CLSTN2: variants seen among roughly 807,000 people sequenced by gnomAD.
The protein encoded by CLSTN2 is calsyntenin-2.
Under a neutral mutation model 101.2 loss-of-function variants are expected in CLSTN2, and 48 were observed. The observed-to-expected ratio is 0.47, with a 90% confidence interval of 0.38 to 0.60. CLSTN2 has a LOEUF of 0.60. Ranked by LOEUF, CLSTN2 falls within the 20% of genes least tolerant of loss-of-function variation. The probability of loss-of-function intolerance (pLI) is 0.00; values close to 1 mark genes in which losing one functional copy is unlikely to be tolerated. For missense variants in CLSTN2, 1,160 were observed against 1,238.2 expected (o/e 0.94, Z 0.95); for synonymous variants, 481 against 463.6 (o/e 1.04, Z -0.48).
chr3:140,241,878 T>TACACAC (rs1187220904), intron 2 of CLSTN2, among the ~76,000 whole-genome samples: 1 of 138,480 alleles, frequency 7.2e-6, no homozygotes, highest in Non-Finnish European at 1.5e-5. Context: ...CACATATATA[T>TACACAC]ATACACACAC....
intron 1 of CLSTN2, among the ~76,000 whole-genome samples, chr3:140,103,759 T>A (rs1008916422): frequency 2.6e-5 from 4 of 152,234 alleles, no homozygotes; most frequent in African/African-American, 9.6e-5. Flanking sequence ...TCACAGCCAA[T>A]GCAACAGGCA....
intron 2 of CLSTN2, among the ~76,000 whole-genome samples, chr3:140,354,613 A>G (rs551404598): frequency 3.9e-5 from 6 of 152,172 alleles, no homozygotes; most frequent in African/African-American, 1.4e-4. Flanking sequence ...CCATTTCCAA[A>G]TAGTGCCACC....
At chr3:140,031,261 G>C (rs1481863765) in intron 1 of CLSTN2, among the ~76,000 whole-genome samples, 2 of 152,194 alleles carry the variant, frequency 1.3e-5, no homozygotes, top group African/African-American at 4.8e-5. Context: ...CTTGGACTAT[G>C]AAGAGCATTG....
chr3:140,067,537 G>A (rs1162556565), intron 1 of CLSTN2, among the ~76,000 whole-genome samples: 5 of 152,184 alleles, frequency 3.3e-5, no homozygotes, highest in Non-Finnish European at 1.5e-5. Flanking sequence ...ATTCAAGTGG[G>A]CATTATGCCC....
intron 8 of CLSTN2, among the ~76,000 whole-genome samples, chr3:140,492,225 T>C (rs2107757976): frequency 6.6e-6 from 1 of 152,330 alleles, no homozygotes; most frequent in Middle Eastern, 3.4e-3. Flanking sequence ...GTATATTGCT[T>C]GTGGGAGTAT....
chr3:140,250,679 A>C lies in CLSTN2; in HGVS notation c.232+74606A>C, dbSNP rs573888449. ...GGAGAGTCAAGCTGCATTCAGCTGC[A>C]ATTGGATGAGCCTTCGCCAGGGATA... On this transcript the variant is annotated intron_variant, in intron 2 of 16. Transcript: ENST00000458420. Among the ~76,000 whole-genome samples the C allele has an allele frequency of 2.0e-5, 3 of 152,304 alleles. No individual in the cohort carries two copies. In the East Asian group the frequency reaches 5.8e-4, roughly 29 times the overall value.
chr3:140,244,411 C>G lies in CLSTN2; in HGVS notation c.232+68338C>G, dbSNP rs553410502. Among the ~76,000 whole-genome samples, 4 of 152,228 alleles carry G rather than the reference C, an allele frequency of 2.6e-5. No individual in the cohort carries two copies. The South Asian group carries it at 8.3e-4, about 32-fold the overall frequency. ...TACAACCGTCAGGAAATGCTGTGCC[C>G]CTTTCTCTCCTCCACTCTACATCCA... On this transcript the variant is annotated intron_variant, in intron 2 of 16. Transcript: ENST00000458420.
chr3:140,145,889 T>C (rs1289050043), intron 1 of CLSTN2, among the ~76,000 whole-genome samples: 1 of 152,252 alleles, frequency 6.6e-6, no homozygotes, highest in Non-Finnish European at 1.5e-5. Context: ...TTGTGTCTGA[T>C]GAAAATCATT....
intron 2 of CLSTN2, among the ~76,000 whole-genome samples, chr3:140,364,290 C>A (rs1001099176): frequency 3.9e-5 from 6 of 152,118 alleles, no homozygotes; most frequent in Non-Finnish European, 7.4e-5. Flanking sequence ...CTTCTCCTTG[C>A]CCTTAATGCC....
chr3:140,119,825 A>G (rs17341522), intron 1 of CLSTN2, among the ~76,000 whole-genome samples: 5,039 of 152,278 alleles, frequency 0.033, 129 homozygotes, highest in Non-Finnish European at 0.051. Flanking sequence ...TTATTGTCTT[A>G]GAACACTGAT....
intron 10 of CLSTN2, among the ~76,000 whole-genome samples, chr3:140,553,462 C>T (rs1239335251): frequency 6.6e-6 from 1 of 152,144 alleles, no homozygotes; most frequent in Non-Finnish European, 1.5e-5. Flanking sequence ...TATTACAGTC[C>T]ACAAAGCCCA....
At position 140,487,561 on chromosome 3, in the gene CLSTN2, A is replaced by G. The variant is rs567867412; in HGVS notation, c.1344+20830A>G. On this transcript the variant is annotated intron_variant, in intron 8 of 16. Transcript: ENST00000458420. Reference sequence around the variant, plus strand: ...AGAGAACAGTGCTAGAACTATTCCTATGCTAGACCCCATGGCTCCACATGC... The same window carrying G: ...AGAGAACAGTGCTAGAACTATTCCTGTGCTAGACCCCATGGCTCCACATGC... Among the ~76,000 whole-genome samples, 5 of 152,366 alleles carry G rather than the reference A, an allele frequency of 3.3e-5. No homozygotes were observed. The South Asian group carries it at 1.0e-3, about 32-fold the overall frequency.
rs567525086 is a variant in CLSTN2, at chr3:140,037,544, CT to C, written c.109+102072del. On this transcript the variant is annotated intron_variant, in intron 1 of 16. Transcript: ENST00000458420. ...TCTTTCTTTTTTCTTATGCATTCGT[CT>C]TTTTTTTTTTCATTCAACTTTTATT... 5.3e-4 allele frequency among the ~76,000 whole-genome samples: 76 copies of C among 142,770 alleles called. 1 individual carries two copies. Among genetic ancestry groups the C allele is most frequent in the Admixed American group, 5.6e-4 (8 of 14,232 alleles). 93.7% of individuals were successfully genotyped at this position (142,770 alleles called of 152,430 possible). A position where few individuals can be genotyped will look rare whatever the true frequency, so the allele number is the denominator to read the frequency against.
chr3:140,132,783 T>C (rs767156270), intron 1 of CLSTN2, among the ~76,000 whole-genome samples: 97 of 152,228 alleles, frequency 6.4e-4, no homozygotes, highest in Middle Eastern at 3.2e-3. Flanking sequence ...AGCTAGTGAA[T>C]AATCACTTCC....
At chr3:140,140,380 A>G (rs1336237821) in intron 1 of CLSTN2, among the ~76,000 whole-genome samples, 2 of 152,142 alleles carry the variant, frequency 1.3e-5, no homozygotes, top group Non-Finnish European at 2.9e-5. Flanking sequence ...AGGCAAAGGA[A>G]GAGCAGGTGG....
chr3:140,485,074 C>T (rs536398420), intron 8 of CLSTN2, among the ~76,000 whole-genome samples: 1 of 152,260 alleles, frequency 6.6e-6, no homozygotes, highest in African/African-American at 2.4e-5. Flanking sequence ...CTCTGTTTTT[C>T]CCCCATCTTT....
Position 140,176,012 on chromosome 3 carries a change from C to T in CLSTN2, c.171C>T (p.Asp57=). 1.2e-6 allele frequency: 2 copies of T among 1,613,678 alleles called. No individual in the cohort carries two copies. Among genetic ancestry groups the T allele is most frequent in the Non-Finnish European group, 1.7e-6 (2 of 1,179,734 alleles). The change falls in exon 2 of 17, where the codon GAC becomes GAT. Residue 57 remains aspartate, a synonymous_variant. Coordinates refer to ENST00000458420, the MANE Select transcript of CLSTN2 (RefSeq NM_022131.3). ...ATGGAGTCATAACTGAGAACAATGA[C>T]ACAGTCATTTTGGACCCACCACTGG... ...SYHGVITENN[D]TVILDPPLVA...
At chr3:140,098,339 G>T (rs578145139) in intron 1 of CLSTN2, among the ~76,000 whole-genome samples, 10 of 152,272 alleles carry the variant, frequency 6.6e-5, no homozygotes, top group African/African-American at 1.9e-4. Flanking sequence ...GGTACAATCT[G>T]CAAAGTTAGA....
intron 1 of CLSTN2, among the ~76,000 whole-genome samples, chr3:140,162,465 C>A (rs941079358): frequency 3.3e-5 from 5 of 152,122 alleles, no homozygotes. Flanking sequence ...AGTGTCAGAG[C>A]CCCTGTCAGT....
Sources: allele counts gnomAD v4.1 joint callset (sites outside exome capture counted in the v4.1 genomes callset), GRCh38; gene constraint gnomAD v4.1.1; transcripts MANE v1.5; gene names NCBI Gene and HGNC (gene_info 2026-07-23, HGNC 2026-07-21).